Variants in COP1 observed in about 807,000 individuals in gnomAD.
COP1 encodes COP1 E3 ubiquitin ligase.
In COP1, 24 loss-of-function variants were observed where a neutral mutation model predicts 101.3. The observed-to-expected ratio is 0.24, with a 90% CI of 0.17 to 0.33. COP1 has a LOEUF of 0.33. COP1 is among the 10% of genes least tolerant of loss of function. COP1 has a pLI of 1.00. For missense variants in COP1, 663 were observed against 906.2 expected (o/e 0.73, Z 3.45); for synonymous variants, 347 against 341.9 (o/e 1.01, Z -0.17).
At chr1:175,992,543 T>A (rs1014849544) in intron 15 of COP1, among the ~76,000 whole-genome samples, 2 of 152,176 alleles carry the variant, frequency 1.3e-5, no homozygotes, top group African/African-American at 2.4e-5. Flanking sequence ...ACTCCCACCC[T>A]AATACTGCGC....
At chr1:176,206,535 A>T (rs780840789) in intron 1 of COP1, 37 bp downstream of exon 1, 1 of 1,578,374 alleles carries the variant, frequency 6.3e-7, no homozygotes, top group Non-Finnish European at 8.6e-7. Flanking sequence ...AGAAACTCAT[A>T]ATTTAGGGAC....
At chr1:176,147,229 GGAA>G (rs765098794) in intron 6 of COP1, among the ~76,000 whole-genome samples, 2 of 152,000 alleles carry the variant, frequency 1.3e-5, no homozygotes, top group Non-Finnish European at 2.9e-5. Context: ...AGACTTACAT[GGAA>G]GAAGAAAATA....
intron 11 of COP1, among the ~76,000 whole-genome samples, chr1:176,076,143 C>T (rs1677960949): frequency 6.6e-6 from 1 of 151,730 alleles, no homozygotes; most frequent in Non-Finnish European, 1.5e-5. Flanking sequence ...ACACAGAGTA[C>T]TACACCCAAC....
rs868632088 is a variant in COP1, at chr1:175,996,200, C to T, written c.1730-6721G>A. Among the ~76,000 whole-genome samples the T allele has an allele frequency of 1.3e-4, 20 of 152,288 alleles. No individual in the cohort carries two copies. In the Middle Eastern group the frequency reaches 0.01, roughly 78 times the overall value. On this transcript the variant is annotated intron_variant, in intron 15 of 19. Transcript: ENST00000367669. Reference sequence around the variant, plus strand: ...AGGCCTTTGACAAAATTCAACAACCCTTTGTGCTAAAAACTCTCAATAAAT... The same window carrying T: ...AGGCCTTTGACAAAATTCAACAACCTTTTGTGCTAAAAACTCTCAATAAAT...
intron 11 of COP1, among the ~76,000 whole-genome samples, chr1:176,050,699 C>G (rs1390548762): frequency 2.0e-5 from 3 of 152,184 alleles, no homozygotes; most frequent in African/African-American, 7.2e-5. Context: ...CCAATCAATA[C>G]TACTTGAAAC....
At chr1:176,026,814 C>T (rs1343023567) in intron 15 of COP1, among the ~76,000 whole-genome samples, 1 of 151,642 alleles carries the variant, frequency 6.6e-6, no homozygotes, top group Non-Finnish European at 1.5e-5. Context: ...AAGACTTCAC[C>T]ATTCAGAAGC....
chr1:176,172,490 G>T (rs1008062678), intron 3 of COP1, among the ~76,000 whole-genome samples: 2 of 152,164 alleles, frequency 1.3e-5, no homozygotes, highest in African/African-American at 4.8e-5. Flanking sequence ...AAATTGTGTG[G>T]ACCAGTCCTC....
At chr1:176,136,440 A>T in intron 7 of COP1, 48 bp downstream of exon 7, 3 of 1,318,364 alleles carry the variant, frequency 2.3e-6, no homozygotes, top group Non-Finnish European at 3.2e-6. Context: ...TGACAATTTC[A>T]TGAAATTGAA....
chr1:175,962,910 T>A (rs775195426), intron 18 of COP1, among the ~76,000 whole-genome samples: 1 of 152,190 alleles, frequency 6.6e-6, no homozygotes, highest in Non-Finnish European at 1.5e-5. Flanking sequence ...AATGATTATA[T>A]CCGCAAACAT....
At chr1:175,966,990 C>T (rs536216287) in intron 18 of COP1, among the ~76,000 whole-genome samples, 2 of 152,174 alleles carry the variant, frequency 1.3e-5, no homozygotes, top group African/African-American at 4.8e-5. Context: ...CAAAGGAACA[C>T]TTTCAAAATC....
intron 15 of COP1, among the ~76,000 whole-genome samples, chr1:176,006,755 G>A (rs1663347205): frequency 6.6e-6 from 1 of 152,142 alleles, no homozygotes; most frequent in East Asian, 1.9e-4. Flanking sequence ...TAGGTAACCC[G>A]ACCTTTCTCT....
chr1:176,121,444 A>G (rs1423614989), intron 8 of COP1, among the ~76,000 whole-genome samples: 2 of 152,284 alleles, frequency 1.3e-5, no homozygotes, highest in East Asian at 3.9e-4. Context: ...AACAACAATA[A>G]CAGCAGCAGC....
At position 176,126,213 on chromosome 1, in the gene COP1, T is replaced by C. The variant is rs141230404; in HGVS notation, c.968+8797A>G. On this transcript the variant is annotated intron_variant, in intron 8 of 19. Transcript: ENST00000367669. ...TTCCAATCTGGATGCTCTTTATTTCTTTCTCTTGTCTGACTGCTCTAGCTA... is the reference window on the plus strand; with the variant it reads ...TTCCAATCTGGATGCTCTTTATTTCCTTCTCTTGTCTGACTGCTCTAGCTA... 9.3e-3 allele frequency among the ~76,000 whole-genome samples: 1,414 copies of C among 152,310 alleles called. 24 individuals are homozygous for C. The highest frequency in any genetic ancestry group is 0.032 in the African/African-American group (1,343 of 41,572).
chr1:176,005,390 C>G (rs1022223631), intron 15 of COP1, among the ~76,000 whole-genome samples: 1 of 152,002 alleles, frequency 6.6e-6, no homozygotes, highest in East Asian at 1.9e-4. Flanking sequence ...TTGCCTTCTG[C>G]TAGCTTTTGA....
chr1:176,114,620 C>G (rs1454413927), intron 9 of COP1, among the ~76,000 whole-genome samples: 2 of 151,860 alleles, frequency 1.3e-5, no homozygotes, highest in South Asian at 4.2e-4. Flanking sequence ...AAGGGTCTCA[C>G]TCTGTCACCC....
At chr1:176,069,373 AAACTAGAAGCCATCACCTCAAGAG>A (rs1004574170) in intron 11 of COP1, among the ~76,000 whole-genome samples, 12 of 152,224 alleles carry the variant, frequency 7.9e-5, no homozygotes, top group Non-Finnish European at 1.8e-4. Flanking sequence ...TGTGTCCAGG[AAACTAGAAGCCATCACCTCAAGAG>A]AACTCTCTCT....
chr1:176,053,402 AC>A (rs1672909866), intron 11 of COP1, among the ~76,000 whole-genome samples: 1 of 152,092 alleles, frequency 6.6e-6, no homozygotes, highest in African/African-American at 2.4e-5. Context: ...ATGCTCCTCT[AC>A]CAACCCACGA....
At chr1:176,182,782 G>A (rs1389000298) in intron 2 of COP1, among the ~76,000 whole-genome samples, 1 of 152,190 alleles carries the variant, frequency 6.6e-6, no homozygotes, top group African/African-American at 2.4e-5. Flanking sequence ...AGACCCACAT[G>A]TCCAGAATGT....
intron 12 of COP1, 146 bp from the exon 13 acceptor site, chr1:176,043,964 G>A (rs774444759): frequency 1.0e-4 from 56 of 545,394 alleles, no homozygotes; most frequent in South Asian, 2.1e-4. Context: ...AACATACCTG[G>A]GAAAAGACAT....
Sources: allele counts gnomAD v4.1 joint callset (sites outside exome capture counted in the v4.1 genomes callset), GRCh38; gene constraint gnomAD v4.1.1; transcripts MANE v1.5; gene names NCBI Gene and HGNC (gene_info 2026-07-23, HGNC 2026-07-21).